Variants in TAS2R1 observed in about 807,000 individuals in gnomAD.
The protein encoded by TAS2R1 is taste 2 receptor member 1, also known as taste receptor type 2 member 1.
For missense variants in TAS2R1, 370 were observed against 353.4 expected, an observed-to-expected ratio of 1.05 and a Z score of -0.38; for synonymous variants, 141 against 134.2, an observed-to-expected ratio of 1.05 and a Z score of -0.35.
At chr5:9,855,113 A>G in the TAS2R1 span, among the ~76,000 whole-genome samples, 2 of 152,138 alleles carry the variant, frequency 1.3e-5, no homozygotes, top group African/African-American at 4.8e-5. Flanking sequence ...CTTTCACGGG[A>G]TACTTCTTTT....
the TAS2R1 span, among the ~76,000 whole-genome samples, chr5:9,788,039 C>T: frequency 5.3e-5 from 8 of 152,142 alleles, no homozygotes; most frequent in Non-Finnish European, 8.8e-5. Context: ...TGTCAACAGC[C>T]GCACAAAGTG....
the TAS2R1 span, among the ~76,000 whole-genome samples, chr5:9,750,722 G>A: frequency 6.6e-6 from 1 of 152,122 alleles, no homozygotes; most frequent in Non-Finnish European, 1.5e-5. Context: ...CAAAAGCAGT[G>A]ATCAAGTACA....
the TAS2R1 span, among the ~76,000 whole-genome samples, chr5:9,801,887 G>C: frequency 1.3e-5 from 2 of 152,092 alleles, no homozygotes; most frequent in Non-Finnish European, 1.5e-5. Context: ...GCCCTGCCTG[G>C]GGAGAGTCTG....
upstream of TAS2R1, among the ~76,000 whole-genome samples, chr5:9,717,038 C>G (rs1734827067): frequency 6.6e-6 from 1 of 152,092 alleles, no homozygotes; most frequent in Admixed American, 6.5e-5. Flanking sequence ...CTGCTAAGAG[C>G]CTGTGGATGC....
intron 1 of TAS2R1, among the ~76,000 whole-genome samples, chr5:9,691,513 G>A (rs1012272904): frequency 1.1e-4 from 16 of 152,266 alleles, no homozygotes; most frequent in African/African-American, 3.9e-4. Context: ...CTTCCTCACT[G>A]CATAGCATCT....
At chr5:9,815,538 G>A in the TAS2R1 span, among the ~76,000 whole-genome samples, 3 of 152,096 alleles carry the variant, frequency 2.0e-5, no homozygotes, top group African/African-American at 7.2e-5. Context: ...AAAAGAGAGA[G>A]AAAGCAAGCC....
rs141520001 is a variant in TAS2R1, at chr5:9,656,113, G to A, written c.-81+3308C>T. On this transcript the variant is annotated intron_variant, in intron 2 of 2. Transcript: ENST00000506620. ...AATCCCCACAAAATCAGTTCTGTAAGGGCAATGCTACAGTCCAAGTGCCTA... is the reference window on the plus strand; with the variant it reads ...AATCCCCACAAAATCAGTTCTGTAAAGGCAATGCTACAGTCCAAGTGCCTA... 1.8e-3 allele frequency among the ~76,000 whole-genome samples: 269 copies of A among 152,230 alleles called. 2 individuals are homozygous for A. The highest frequency in any genetic ancestry group is 0.01 in the Admixed American group (155 of 15,296).
At chr5:9,762,273 T>C in the TAS2R1 span, among the ~76,000 whole-genome samples, 1 of 152,166 alleles carries the variant, frequency 6.6e-6, no homozygotes, top group Non-Finnish European at 1.5e-5. Flanking sequence ...AAGACCCCTA[T>C]GTAGCAAAAT....
In TAS2R1 at chr5:9,629,669, T is replaced by C; in HGVS notation, c.364A>G (p.Ile122Val). Residue 122 changes from isoleucine to valine, a missense_variant, in exon 1 of 1, where the codon ATA (isoleucine) becomes GTA (valine). Physicochemically the swap from Ile to Val is conservative, Grantham distance 29. Transcript: ENST00000382492. Reference protein sequence around the residue: ...HPLFIWLKMRISKLVPWMILG... With the variant: ...HPLFIWLKMRVSKLVPWMILG... ...ATCATCCATGGGACCAGCTTGGATATCCTCATCTTCAACCAGATGAAGAGT... is the reference window on the plus strand; with the variant it reads ...ATCATCCATGGGACCAGCTTGGATACCCTCATCTTCAACCAGATGAAGAGT... 1.2e-6 allele frequency: 2 copies of C among 1,614,102 alleles called. No individual in the cohort carries two copies. Among genetic ancestry groups the C allele is most frequent in the Non-Finnish European group, 1.7e-6 (2 of 1,180,032 alleles).
At chr5:9,697,642 A>G (rs1275983397) in intron 1 of TAS2R1, among the ~76,000 whole-genome samples, 1 of 152,178 alleles carries the variant, frequency 6.6e-6, no homozygotes, top group African/African-American at 2.4e-5. Context: ...ATGTTTAGAG[A>G]TCCAATATGA....
the TAS2R1 span, among the ~76,000 whole-genome samples, chr5:9,730,899 C>T: frequency 6.6e-6 from 1 of 152,178 alleles, no homozygotes; most frequent in Non-Finnish European, 1.5e-5. Flanking sequence ...CTCTCATTCT[C>T]TCTTGTCTGC....
the TAS2R1 span, among the ~76,000 whole-genome samples, chr5:9,867,683 C>A: frequency 6.6e-6 from 1 of 152,282 alleles, no homozygotes; most frequent in South Asian, 2.1e-4. Context: ...CATTTCGAAA[C>A]CAATCATGCC....
At chr5:9,811,547 C>G in the TAS2R1 span, among the ~76,000 whole-genome samples, 1 of 152,144 alleles carries the variant, frequency 6.6e-6, no homozygotes, top group Non-Finnish European at 1.5e-5. Flanking sequence ...TCCACCTCTT[C>G]CTCTGACTTT....
chr5:9,783,559 T>C, the TAS2R1 span, among the ~76,000 whole-genome samples: 1 of 152,208 alleles, frequency 6.6e-6, no homozygotes, highest in Non-Finnish European at 1.5e-5. Flanking sequence ...CAAGCCCATA[T>C]CCTCTTCTTT....
At chr5:9,741,771 A>G in the TAS2R1 span, among the ~76,000 whole-genome samples, 1 of 152,104 alleles carries the variant, frequency 6.6e-6, no homozygotes, top group African/African-American at 2.4e-5. Flanking sequence ...CTAACCCCTA[A>G]AAGCTCCTCC....
intron 2 of TAS2R1, among the ~76,000 whole-genome samples, chr5:9,639,472 G>A (rs1740030474): frequency 6.6e-6 from 1 of 152,102 alleles, no homozygotes; most frequent in Non-Finnish European, 1.5e-5. Context: ...TTTTTTGCCT[G>A]TTTTGTGGAA....
At chr5:9,633,319 T>TATATATAC (rs1475834697), upstream of TAS2R1, among the ~76,000 whole-genome samples, 10 of 137,474 alleles carry the variant, frequency 7.3e-5, 1 homozygote, top group African/African-American at 2.7e-4. Flanking sequence ...TATATATATA[T>TATATATAC]ACACAAATGT....
At chr5:9,866,020 C>T in the TAS2R1 span, among the ~76,000 whole-genome samples, 2 of 152,074 alleles carry the variant, frequency 1.3e-5, no homozygotes, top group African/African-American at 4.8e-5. Flanking sequence ...ACAATTATAC[C>T]TGAAATTCAA....
intron 1 of TAS2R1, among the ~76,000 whole-genome samples, chr5:9,661,063 T>C (rs1435519250): frequency 3.3e-5 from 5 of 152,254 alleles, no homozygotes; most frequent in African/African-American, 9.6e-5. Context: ...GGGAAATCTG[T>C]ACTGGATTTA....
Sources: gnomAD v4.1 joint callset for allele counts (sites outside exome capture counted in the v4.1 genomes callset) on GRCh38, gnomAD v4.1.1 for gene constraint, MANE v1.5 for transcripts, NCBI Gene and HGNC (gene_info 2026-07-23, HGNC 2026-07-21) for gene names.